Variants in NEK1 observed in about 807,000 individuals in gnomAD.
NEK1 encodes serine/threonine-protein kinase Nek1.
A neutral mutation model predicts 182.1 loss-of-function variants in NEK1; 137 were observed. That is an observed-to-expected ratio of 0.75 (90% confidence interval 0.65 to 0.87). NEK1 has a LOEUF of 0.87. NEK1 is among the 40% of genes least tolerant of loss of function. The probability of loss-of-function intolerance (pLI) is 0.00; values close to 1 mark genes in which losing one functional copy is unlikely to be tolerated. For missense variants in NEK1, 1,391 were observed against 1,494.4 expected, an observed-to-expected ratio of 0.93 and a Z score of 1.14; for synonymous variants, 513 against 492.2, an observed-to-expected ratio of 1.04 and a Z score of -0.56.
In NEK1 at chr4:169,393,742, G is replaced by A. The variant is rs570437233; in HGVS notation, c.*768C>T. Reference sequence around the variant, plus strand: ...GTATGGAGGAAGTTAAAAACCAAAAGAGCAACTTTAAGCTATATGCTAAGT... The same window carrying A: ...GTATGGAGGAAGTTAAAAACCAAAAAAGCAACTTTAAGCTATATGCTAAGT... On this transcript the variant is annotated 3_prime_UTR_variant, in exon 36 of 36. Coordinates refer to ENST00000507142, the MANE Select transcript of NEK1 (RefSeq NM_001199397.3). 7.4e-4 allele frequency: 112 copies of A among 152,232 alleles called. No individual in the cohort carries two copies. The highest frequency in any genetic ancestry group is 2.6e-3 in the African/African-American group (108 of 41,544). The allele number at this position is 152,232 out of a possible 1,614,324, so 9.4% of individuals were successfully genotyped here. A position where few individuals can be genotyped will look rare whatever the true frequency, so the allele number is the denominator to read the frequency against.
intron 23 of NEK1, among the ~76,000 whole-genome samples, chr4:169,506,435 T>G (rs974668481): frequency 2.0e-5 from 3 of 152,112 alleles, no homozygotes; most frequent in African/African-American, 4.8e-5. Context: ...GATAAGCTAC[T>G]TGGTAATAGT....
At chr4:169,590,409 C>T (rs1445971860) in intron 6 of NEK1, among the ~76,000 whole-genome samples, 1 of 152,002 alleles carries the variant, frequency 6.6e-6, no homozygotes, top group Non-Finnish European at 1.5e-5. Context: ...ATAGGCCAAT[C>T]CACACAGACA....
At chr4:169,472,065 C>T (rs150636883) in intron 26 of NEK1, among the ~76,000 whole-genome samples, 6 of 151,992 alleles carry the variant, frequency 3.9e-5, no homozygotes, top group Non-Finnish European at 5.9e-5. Context: ...GGGTGGGATC[C>T]GCTGAGCAAT....
At chr4:169,596,285 T>C (rs1276127820) in intron 5 of NEK1, among the ~76,000 whole-genome samples, 1 of 152,190 alleles carries the variant, frequency 6.6e-6, no homozygotes, top group Non-Finnish European at 1.5e-5. Flanking sequence ...TGCTCTAGGT[T>C]TTCAGAGCAA....
At chr4:169,501,946 T>A (rs1478855796) in intron 23 of NEK1, among the ~76,000 whole-genome samples, 1 of 151,206 alleles carries the variant, frequency 6.6e-6, no homozygotes, top group East Asian at 1.9e-4. Context: ...ATAGAAAAGA[T>A]CAAAGAAAAG....
intron 27 of NEK1, among the ~76,000 whole-genome samples, chr4:169,449,667 T>C (rs1442220182): frequency 1.3e-5 from 2 of 152,130 alleles, no homozygotes; most frequent in Non-Finnish European, 2.9e-5. Context: ...AAACCCCACC[T>C]GGAGGTCACC....
rs767893472 is a variant in NEK1 at position 169,433,607 on chromosome 4, CTCA to C, written c.2820_2822del (p.Asp940del). ...CATCAGTAATAGTGCATGGCAAGCT[CTCA>C]TCTTTGTTTGTTCCACTTGGCTCTT... is the stretch of plus-strand genomic sequence containing the variant. On this transcript the variant is annotated inframe_deletion, in exon 29 of 36. Transcript: ENST00000507142. 6.2e-7 allele frequency: 1 copy of C among 1,613,448 alleles called. No homozygotes were observed. Among genetic ancestry groups the C allele is most frequent in the East Asian group, 2.2e-5 (1 of 44,770 alleles).
chr4:169,605,801 T>C lies in NEK1; in HGVS notation c.-48-3123A>G, dbSNP rs183569415. Among the ~76,000 whole-genome samples, 35 of 152,268 alleles carry C rather than the reference T, an allele frequency of 2.3e-4. No individual in the cohort carries two copies. In the East Asian group the frequency reaches 6.8e-3, roughly 29 times the overall value. On this transcript the variant is annotated intron_variant, in intron 2 of 35. Coordinates refer to ENST00000507142, the MANE Select transcript of NEK1 (RefSeq NM_001199397.3). ...TAGTGTTCTTAAGGTCTCTAATAAT[T>C]ATATCAATTCAATCTCTATAATACA...
chr4:169,396,736 A>C (rs1302253168), intron 35 of NEK1, among the ~76,000 whole-genome samples: 1 of 152,188 alleles, frequency 6.6e-6, no homozygotes, highest in Non-Finnish European at 1.5e-5. Context: ...TGTGTTTTTG[A>C]CAATCTTCTT....
intron 23 of NEK1, among the ~76,000 whole-genome samples, chr4:169,494,348 G>A (rs946083817): frequency 6.6e-6 from 1 of 152,098 alleles, no homozygotes; most frequent in African/African-American, 2.4e-5. Flanking sequence ...AACATGCAGT[G>A]TTTGGTTTTT....
At chr4:169,428,374 T>TATATATATATATATATATATATATATA (rs1328733911) in intron 29 of NEK1, among the ~76,000 whole-genome samples, 1 of 24,434 alleles carries the variant, frequency 4.1e-5, no homozygotes, top group Non-Finnish European at 1.3e-4. Context: ...ATATATATAA[T>TATATATATATATATATATATATATATA]GGAATATTAT....
chr4:169,566,478 CATAAT>C (rs1561425827), intron 12 of NEK1, among the ~76,000 whole-genome samples: 2 of 152,028 alleles, frequency 1.3e-5, no homozygotes, highest in African/African-American at 4.8e-5. Flanking sequence ...TGAAGTATAA[CATAAT>C]ATATTCAAGG....
At chr4:169,428,374 T>TATATATATATATATATA (rs1328733911) in intron 29 of NEK1, among the ~76,000 whole-genome samples, 1 of 24,434 alleles carries the variant, frequency 4.1e-5, no homozygotes, top group Admixed American at 6.1e-4. Flanking sequence ...ATATATATAA[T>TATATATATATATATATA]GGAATATTAT....
intron 29 of NEK1, among the ~76,000 whole-genome samples, chr4:169,431,020 A>T (rs1737328424): frequency 6.6e-6 from 1 of 152,158 alleles, no homozygotes; most frequent in Non-Finnish European, 1.5e-5. Flanking sequence ...AACAAAATTC[A>T]ACTATTATAT....
rs550034583 is a variant in NEK1 at position 169,607,680 on chromosome 4, G to C, written c.-49+4340C>G. Reference sequence around the variant, plus strand: ...GGGTTTCACCGTGTTAGCCAGGATGGTCTCGATCTCCTGACCTTGTGATCC... The same window carrying C: ...GGGTTTCACCGTGTTAGCCAGGATGCTCTCGATCTCCTGACCTTGTGATCC... On this transcript the variant is annotated intron_variant, in intron 2 of 35. Coordinates refer to ENST00000507142, the MANE Select transcript of NEK1 (RefSeq NM_001199397.3). 3.9e-5 allele frequency among the ~76,000 whole-genome samples: 6 copies of C among 152,052 alleles called. No homozygotes were observed. The East Asian group carries it at 9.7e-4, about 25-fold the overall frequency.
At chr4:169,482,551 A>G (rs893695032) in intron 23 of NEK1, among the ~76,000 whole-genome samples, 3 of 151,360 alleles carry the variant, frequency 2.0e-5, no homozygotes, top group Non-Finnish European at 2.9e-5. Flanking sequence ...GCCTCAAGCA[A>G]TTCTCGTGCC....
intron 12 of NEK1, among the ~76,000 whole-genome samples, chr4:169,562,452 G>T (rs1355460026): frequency 6.6e-6 from 1 of 152,010 alleles, no homozygotes; most frequent in Non-Finnish European, 1.5e-5. Context: ...TTCAGGTATG[G>T]ATGTTTAAGT....
intron 35 of NEK1, among the ~76,000 whole-genome samples, chr4:169,397,203 G>A (rs1467643708): frequency 6.6e-6 from 1 of 150,624 alleles, no homozygotes; most frequent in Non-Finnish European, 1.5e-5. Context: ...CAACCTGGGT[G>A]ACAGAGCAAG....
At chr4:169,599,639 T>C (rs1419045469) in intron 4 of NEK1, among the ~76,000 whole-genome samples, 1 of 152,154 alleles carries the variant, frequency 6.6e-6, no homozygotes, top group East Asian at 1.9e-4. Context: ...CACTTACTTA[T>C]TAAATAAATA....
Sources: gnomAD v4.1 joint callset for allele counts (sites outside exome capture counted in the v4.1 genomes callset) on GRCh38, gnomAD v4.1.1 for gene constraint, MANE v1.5 for transcripts, NCBI Gene and HGNC (gene_info 2026-07-23, HGNC 2026-07-21) for gene names.